Variants in GRIA4 observed in about 807,000 individuals in gnomAD.
GRIA4 encodes the protein glutamate receptor 4.
GRIA4 carries 34 observed loss-of-function variants against 104.0 expected under a neutral mutation model. The observed-to-expected ratio is 0.33, with a 90% CI of 0.25 to 0.44. GRIA4 has a LOEUF of 0.44. Ranked by LOEUF, GRIA4 falls within the 20% of genes least tolerant of loss-of-function variation. GRIA4 has a pLI of 1.00. For synonymous variants in GRIA4, 386 were observed against 381.9 expected, an observed-to-expected ratio of 1.01 and a Z score of -0.13; for missense variants, 750 against 1,096.5, an observed-to-expected ratio of 0.68 and a Z score of 4.46.
intron 4 of GRIA4, among the ~76,000 whole-genome samples, chr11:105,811,563 T>C (rs548059012): frequency 6.6e-6 from 1 of 152,248 alleles, no homozygotes; most frequent in East Asian, 1.9e-4. Context: ...TGGCATTGTC[T>C]ACATGTTTTA....
chr11:105,688,976 T>A (rs546356462), intron 3 of GRIA4, among the ~76,000 whole-genome samples: 44 of 152,010 alleles, frequency 2.9e-4, no homozygotes, highest in African/African-American at 1.0e-3. Context: ...TTATAGTTGA[T>A]GAACTGGGGG....
rs1323044418 is a variant in GRIA4 at position 105,749,284 on chromosome 11, T to C, written c.248-3697T>C. Among the ~76,000 whole-genome samples, 13 of 152,120 alleles carry C rather than the reference T, an allele frequency of 8.5e-5. No individual in the cohort carries two copies. In the South Asian group the frequency reaches 1.9e-3, roughly 22 times the overall value. ...AAAATGCGGAAGCCAGGTAGATGAA[T>C]TGAAAAGAGTGTGAACAGAAGACTC... is the stretch of plus-strand genomic sequence containing the variant. On this transcript the variant is annotated intron_variant, in intron 3 of 16. Coordinates refer to ENST00000282499, the MANE Select transcript of GRIA4 (RefSeq NM_000829.4).
chr11:105,681,887 T>C (rs1357952308), intron 3 of GRIA4, among the ~76,000 whole-genome samples: 2 of 151,900 alleles, frequency 1.3e-5, no homozygotes, highest in Non-Finnish European at 2.9e-5. Flanking sequence ...ACTAAAAATA[T>C]AAAAATTAGC....
At chr11:105,742,622 G>A (rs1025461369) in intron 3 of GRIA4, among the ~76,000 whole-genome samples, 1 of 151,652 alleles carries the variant, frequency 6.6e-6, no homozygotes, top group Non-Finnish European at 1.5e-5. Flanking sequence ...GTGTGTGTAT[G>A]TATATATATA....
In GRIA4 at chr11:105,974,772, T is replaced by C. The variant is rs1378942739; in HGVS notation, c.2544+328T>C. 8.6e-6 allele frequency: 4 copies of C among 463,402 alleles called. No individual in the cohort carries two copies. In the East Asian group the frequency reaches 1.4e-4, roughly 17 times the overall value. The allele number at this position is 463,402 out of a possible 1,614,324, so 28.7% of individuals were successfully genotyped here. ...ATCTGCATTGCAAGGGTCAGAAAGA[T>C]AAAAACAAACCAGAATTGCTCTGTG... On this transcript the variant is annotated intron_variant, in intron 16 of 16. Coordinates refer to ENST00000282499, the MANE Select transcript of GRIA4 (RefSeq NM_000829.4).
At chr11:105,770,775 C>T (rs1319550228) in intron 4 of GRIA4, among the ~76,000 whole-genome samples, 1 of 152,034 alleles carries the variant, frequency 6.6e-6, no homozygotes, top group East Asian at 1.9e-4. Context: ...TGGACTTTCT[C>T]TACCCTTTTA....
chr11:105,855,283 G>A (rs1031951051), intron 4 of GRIA4, among the ~76,000 whole-genome samples: 17 of 152,070 alleles, frequency 1.1e-4, no homozygotes, highest in African/African-American at 3.9e-4. Flanking sequence ...GAATAGGTTT[G>A]ACACTCAAAA....
chr11:105,862,157 G>T lies in GRIA4; in HGVS notation c.621G>T (p.Lys207Asn). The T allele has an allele frequency of 6.2e-7, 1 of 1,607,836 alleles. No individual in the cohort carries two copies. The highest frequency in any genetic ancestry group is 1.3e-5 in the African/African-American group (1 of 74,932). ...LLEELDRRQE[K>N]KFVIDCEIER... ...AAGAACTTGACAGAAGACAAGAGAA[G>T]AAGTTTGTAATAGACTGTGAGATAG... is the stretch of plus-strand genomic sequence containing the variant. Residue 207 changes from lysine to asparagine, a missense_variant, in exon 5 of 17, where the codon AAG (lysine) becomes AAT (asparagine). Lys to Asn is a moderately conservative substitution (Grantham distance 94). This residue lies in a region of GRIA4 where 410 missense variants were observed against 502.7 expected (regional missense o/e 0.82). Transcript: ENST00000282499.
intron 3 of GRIA4, among the ~76,000 whole-genome samples, chr11:105,719,869 T>A (rs964436242): frequency 1.3e-5 from 2 of 152,072 alleles, no homozygotes; most frequent in African/African-American, 4.8e-5. Flanking sequence ...CTATACTGTA[T>A]TTTTCACAGC....
intron 10 of GRIA4, among the ~76,000 whole-genome samples, chr11:105,911,118 G>C (rs1327506030): frequency 6.6e-6 from 1 of 151,856 alleles, no homozygotes; most frequent in Non-Finnish European, 1.5e-5. Flanking sequence ...AATGAGAAAA[G>C]GGTTTTCTTC....
intron 3 of GRIA4, among the ~76,000 whole-genome samples, chr11:105,645,700 T>G (rs1951506858): frequency 6.6e-6 from 1 of 152,016 alleles, no homozygotes; most frequent in Admixed American, 6.6e-5. Context: ...AAAAGGAGGA[T>G]ACAGTGGAAA....
chr11:105,956,783 T>C (rs1465100524), intron 14 of GRIA4, among the ~76,000 whole-genome samples: 2 of 152,212 alleles, frequency 1.3e-5, no homozygotes, highest in African/African-American at 4.8e-5. Flanking sequence ...TTTCCTGACT[T>C]TTTAATGATT....
intron 3 of GRIA4, among the ~76,000 whole-genome samples, chr11:105,710,299 T>C (rs375726122): frequency 6.6e-6 from 1 of 152,062 alleles, no homozygotes; most frequent in African/African-American, 2.4e-5. Flanking sequence ...TCCTACTTCA[T>C]AGGCTATCTC....
chr11:105,668,308 G>T (rs1262074338), intron 3 of GRIA4, among the ~76,000 whole-genome samples: 4 of 144,050 alleles, frequency 2.8e-5, no homozygotes, highest in Non-Finnish European at 6.0e-5. Flanking sequence ...TCTATACATA[G>T]ACATAATAGA....
In GRIA4 at chr11:105,810,931, T is replaced by C. The variant is rs1943146888; in HGVS notation, c.488-51093T>C. Among the ~76,000 whole-genome samples, 3 of 152,182 alleles carry C rather than the reference T, an allele frequency of 2.0e-5. No individual in the cohort carries two copies. The South Asian group carries it at 6.2e-4, about 32-fold the overall frequency. ...AAGCATTTTTTTTAAAAAAAACTAT[T>C]ATTGATTACTGCTTATTTTTTTATG... On this transcript the variant is annotated intron_variant, in intron 4 of 16. Coordinates refer to ENST00000282499, the MANE Select transcript of GRIA4 (RefSeq NM_000829.4).
intron 3 of GRIA4, among the ~76,000 whole-genome samples, chr11:105,670,351 G>T (rs1451630344): frequency 6.6e-6 from 1 of 151,990 alleles, no homozygotes; most frequent in Non-Finnish European, 1.5e-5. Context: ...AGTCCAAAAG[G>T]TCTATTTTCT....
Position 105,652,726 on chromosome 11 carries a change from A to G in GRIA4, c.247+40292A>G, listed in dbSNP as rs75522476. Among the ~76,000 whole-genome samples the G allele has an allele frequency of 1.1e-3, 173 of 151,534 alleles. 2 individuals carry two copies. Among genetic ancestry groups the G allele is most frequent in the African/African-American group, 4.1e-3 (166 of 40,828 alleles). On this transcript the variant is annotated intron_variant, in intron 3 of 16. Transcript: ENST00000282499. ...TAATCAATCAATTATGCTACACCATAGTATCCCCTTATCTATAGGGAATAC... is the reference window on the plus strand; with the variant it reads ...TAATCAATCAATTATGCTACACCATGGTATCCCCTTATCTATAGGGAATAC...
chr11:105,915,483 C>T (rs1375383695), intron 10 of GRIA4, among the ~76,000 whole-genome samples: 7 of 152,084 alleles, frequency 4.6e-5, no homozygotes, highest in Admixed American at 1.3e-4. Context: ...TAACCTAGCG[C>T]TTGTTAATAT....
chr11:105,883,321 A>C (rs1431676371), intron 5 of GRIA4, among the ~76,000 whole-genome samples: 3 of 149,850 alleles, frequency 2.0e-5, no homozygotes, highest in Non-Finnish European at 4.4e-5. Context: ...GTACATGTGC[A>C]CAATGTGCAG....
Sources: gnomAD v4.1 joint callset for allele counts (sites outside exome capture counted in the v4.1 genomes callset) on GRCh38, gnomAD v4.1.1 for gene constraint, gnomAD v4.1.1 regional missense constraint, MANE v1.5 for transcripts, NCBI Gene and HGNC (gene_info 2026-07-23, HGNC 2026-07-21) for gene names.